The following UNC79 variants were observed in gnomAD, a reference collection of about 807,000 sequenced individuals.
UNC79 encodes the protein protein unc-79 homolog.
UNC79 carries 37 observed loss-of-function variants against 283.1 expected under a neutral mutation model. The ratio of observed to expected loss-of-function variants is 0.13; its 90% CI spans 0.10 to 0.17. The LOEUF (loss-of-function observed/expected upper bound fraction) is 0.17, where lower values mean the gene tolerates loss of function less well. Ranked by LOEUF, UNC79 falls within the 10% of genes least tolerant of loss-of-function variation. The pLI, the probability that UNC79 is intolerant of heterozygous loss-of-function variation, is 1.00. For missense variants in UNC79, 2,272 were observed against 3,211.1 expected, an observed-to-expected ratio of 0.71 and a Z score of 7.07; for synonymous variants, 1,107 against 1,200.2, an observed-to-expected ratio of 0.92 and a Z score of 1.61.
chr14:93,407,251 C>T (rs1214723854), intron 1 of UNC79, among the ~76,000 whole-genome samples: 3 of 152,162 alleles, frequency 2.0e-5, no homozygotes, highest in African/African-American at 7.2e-5. Flanking sequence ...TGGGGGGATA[C>T]TATTCAACTC....
At chr14:93,478,498 T>C (rs1200911462) in intron 4 of UNC79, among the ~76,000 whole-genome samples, 1 of 152,204 alleles carries the variant, frequency 6.6e-6, no homozygotes. Flanking sequence ...GAAAAGATTG[T>C]GGATTTAGGA....
intron 39 of UNC79, among the ~76,000 whole-genome samples, chr14:93,660,559 ATATATGTGTGTG>A (rs1341680531): frequency 2.3e-5 from 2 of 86,816 alleles, no homozygotes; most frequent in South Asian, 3.8e-4. Context: ...ATATATATAT[ATATATGTGTGTG>A]TGTGTGTGTT....
intron 45 of UNC79, chr14:93,691,202 G>GTGT: frequency 6.2e-6 from 1 of 161,214 alleles, no homozygotes; most frequent in Non-Finnish European, 1.4e-5. Flanking sequence ...GATGGTTGGA[G>GTGT]AGTGATGGAG....
At chr14:93,600,889 A>G in intron 25 of UNC79, 119 bp downstream of exon 25, 3 of 1,043,090 alleles carry the variant, frequency 2.9e-6, no homozygotes, top group South Asian at 1.7e-5. Context: ...GACCTCATGC[A>G]CTCAATTCAT....
intron 1 of UNC79, among the ~76,000 whole-genome samples, chr14:93,406,549 T>C (rs1049223696): frequency 8.5e-5 from 13 of 152,112 alleles, no homozygotes; most frequent in Admixed American, 3.9e-4. Flanking sequence ...AATCATGCCT[T>C]GGCACTCCAG....
exon 35 of UNC79, chr14:93,646,609 T>C (rs2069631526): frequency 6.2e-7 from 1 of 1,613,912 alleles, no homozygotes; most frequent in Non-Finnish European, 8.5e-7. Flanking sequence ...ATTTCCTAGA[T>C]TGGCATCCAG....
At chr14:93,570,273 G>C (rs1305302410) in intron 14 of UNC79, among the ~76,000 whole-genome samples, 1 of 152,150 alleles carries the variant, frequency 6.6e-6, no homozygotes, top group Non-Finnish European at 1.5e-5. Flanking sequence ...TCACGGATTG[G>C]CCTGCCCATC....
intron 1 of UNC79, among the ~76,000 whole-genome samples, chr14:93,418,244 AC>A (rs2055507415): frequency 6.6e-6 from 1 of 151,678 alleles, no homozygotes; most frequent in Non-Finnish European, 1.5e-5. Flanking sequence ...AACAGACAGG[AC>A]CCTCAGCTGC....
At chr14:93,694,718 C>A (rs1201001976) in intron 47 of UNC79, among the ~76,000 whole-genome samples, 1 of 151,978 alleles carries the variant, frequency 6.6e-6, no homozygotes, top group Admixed American at 6.6e-5. Context: ...AAGTTTGAGA[C>A]CAGCCTGGGC....
intron 45 of UNC79, chr14:93,691,115 A>C (rs2140940299): frequency 6.5e-6 from 1 of 154,386 alleles, no homozygotes; most frequent in South Asian, 2.0e-4. Flanking sequence ...TAACTATGGT[A>C]CTTGCGATTT....
rs546147086 is a variant in UNC79, at chr14:93,474,377, A to T, written c.432A>T (p.Leu144=). ...CCCTCCTGGATCTAGTTCCTTTACT[A>T]CAGCACGGCCAACACGGTGAGCACT... Residue 144 remains leucine, a synonymous_variant, in exon 3 of 49, where the codon CTA becomes CTT. Coordinates refer to ENST00000555664, the Ensembl canonical transcript of UNC79. This position sits in a 1 kb window ranked among gnomAD's most constrained non-coding sequence, Gnocchi z 4.1. 1.3e-5 allele frequency: 20 copies of T among 1,535,444 alleles called. No homozygotes were observed. The South Asian group carries it at 2.3e-4, about 17-fold the overall frequency.
rs555703613 is a variant in UNC79 at position 93,418,975 on chromosome 14, C to T, written c.-350-48696C>T. 3.8e-4 allele frequency among the ~76,000 whole-genome samples: 58 copies of T among 151,932 alleles called. 6 individuals are homozygous for T. In the South Asian group the frequency reaches 0.012, roughly 31 times the overall value. On this transcript the variant is annotated intron_variant, in intron 1 of 49. Coordinates refer to the UNC79 transcript ENST00000256339. ...GAACTCCCTGACCCCTTGCGTTTCC[C>T]GAGTGAGGCAATGCATCGCCCTGTT...
chr14:93,453,725 A>C (rs1206249892), intron 1 of UNC79, among the ~76,000 whole-genome samples: 1 of 152,246 alleles, frequency 6.6e-6, no homozygotes, highest in Non-Finnish European at 1.5e-5. Context: ...TTTGAAAAAT[A>C]AGTCTTTATA....
In UNC79 at chr14:93,704,520, C is replaced by T. The variant is rs781023340; in HGVS notation, c.7549-105C>T. 3.5e-5 allele frequency: 47 copies of T among 1,326,086 alleles called. 1 individual carries two copies. Among genetic ancestry groups the T allele is most frequent in the Middle Eastern group, 1.8e-4 (1 of 5,542 alleles). 82.1% of individuals were successfully genotyped at this position (1,326,086 alleles called of 1,614,324 possible). ...CTGCAGCAGGGCCCACATCCGTGCG[C>T]GACGTGAAAGGGATTCAATGTGGCC... On this transcript the variant is annotated intron_variant, in intron 47 of 48. Transcript: ENST00000555664.
chr14:93,428,507 G>A (rs1023715388), upstream of UNC79, among the ~76,000 whole-genome samples: 6 of 152,234 alleles, frequency 3.9e-5, no homozygotes, highest in Non-Finnish European at 4.4e-5. Flanking sequence ...GCCATATGTC[G>A]GAATGGTGAA....
In UNC79 at chr14:93,621,237, C is replaced by T. The variant is rs2067108256; in HGVS notation, c.4388-384C>T. Among the ~76,000 whole-genome samples, 1 of 152,046 alleles carries T rather than the reference C, an allele frequency of 6.6e-6. No individual in the cohort carries two copies. The highest frequency in any genetic ancestry group is 6.6e-5 in the Admixed American group (1 of 15,266). ...ACAGATACATCATTAATGTCATGAT[C>T]GTCTTTGAGAGCCATTGCTTGATTT... On this transcript the variant is annotated intron_variant, in intron 29 of 48. Transcript: ENST00000555664. The surrounding 1 kb of genome is among the most constrained non-coding windows in gnomAD (Gnocchi z 4.8).
intron 26 of UNC79, among the ~76,000 whole-genome samples, chr14:93,607,877 C>T (rs1291193668): frequency 6.6e-6 from 1 of 152,188 alleles, no homozygotes; most frequent in Non-Finnish European, 1.5e-5. Context: ...CTCTTTCTTT[C>T]TACAGATGGT....
intron 1 of UNC79, among the ~76,000 whole-genome samples, chr14:93,442,863 C>T (rs1271053397): frequency 5.3e-5 from 8 of 152,056 alleles, no homozygotes; most frequent in Admixed American, 2.0e-4. Flanking sequence ...CCAAAGTGGG[C>T]GGATCACTTT....
intron 17 of UNC79, among the ~76,000 whole-genome samples, chr14:93,576,726 G>T (rs1023599776): frequency 3.9e-5 from 6 of 152,114 alleles, no homozygotes; most frequent in African/African-American, 1.4e-4. Context: ...AGAAAGGGCT[G>T]GTTGGAGAAG....
Sources: allele counts gnomAD v4.1 joint callset (sites outside exome capture counted in the v4.1 genomes callset), GRCh38; gene constraint gnomAD v4.1.1; non-coding constraint Gnocchi (gnomAD v3.1); transcripts MANE v1.5; gene names NCBI Gene and HGNC (gene_info 2026-07-23, HGNC 2026-07-21).